Variants in CLEC4F observed in about 807,000 individuals in gnomAD.
CLEC4F encodes C-type lectin domain family 4 member F, also known as C-type (calcium dependent, carbohydrate-recognition domain) lectin, superfamily member 13.
CLEC4F carries 45 observed loss-of-function variants against 53.4 expected under a neutral mutation model. That is an observed-to-expected ratio of 0.84 (90% CI 0.66 to 1.08). The LOEUF (loss-of-function observed/expected upper bound fraction) is 1.08, where lower values mean the gene tolerates loss of function less well. Among genes scored for constraint, CLEC4F ranks in the 50% least tolerant of loss-of-function variants. The pLI is 0.00. For missense variants in CLEC4F, 753 were observed against 698.2 expected, an observed-to-expected ratio of 1.08 and a Z score of -0.88; for synonymous variants, 245 against 257.5, an observed-to-expected ratio of 0.95 and a Z score of 0.46.
chr2:70,824,275 T>C (rs1677293848), upstream of CLEC4F, among the ~76,000 whole-genome samples: 1 of 98,258 alleles, frequency 1.0e-5, no homozygotes, highest in Non-Finnish European at 2.4e-5. Flanking sequence ...TTTACAGGCC[T>C]GAATGCAAAC....
intron 4 of CLEC4F, among the ~76,000 whole-genome samples, chr2:70,813,951 T>A (rs1180757960): frequency 6.6e-6 from 1 of 152,154 alleles, no homozygotes; most frequent in Non-Finnish European, 1.5e-5. Context: ...AGTGCTGGGA[T>A]TACAGGCGTA....
upstream of CLEC4F, among the ~76,000 whole-genome samples, chr2:70,823,530 G>A (rs10192228): frequency 0.61 from 93,021 of 152,026 alleles, 28,882 homozygotes; most frequent in Middle Eastern, 0.7. Flanking sequence ...AGAACTCTAC[G>A]GATCCCTTGC....
chr2:70,825,145 G>C (rs2110979), upstream of CLEC4F, among the ~76,000 whole-genome samples: 141,648 of 152,236 alleles, frequency 0.93, 66,136 homozygotes, highest in Non-Finnish European at 0.97. Flanking sequence ...GTACCCCAAT[G>C]TAATCATGAG....
upstream of CLEC4F, among the ~76,000 whole-genome samples, chr2:70,821,781 C>T (rs556021251): frequency 5.3e-5 from 8 of 152,206 alleles, no homozygotes; most frequent in Middle Eastern, 3.4e-3. Flanking sequence ...TGCAGTGGTA[C>T]GATCATAAGT....
chr2:70,814,045 G>A (rs1194635587), intron 4 of CLEC4F, among the ~76,000 whole-genome samples: 2 of 152,174 alleles, frequency 1.3e-5, no homozygotes, highest in Non-Finnish European at 2.9e-5. Context: ...GAGCACCCCA[G>A]GCAGGGAAAA....
At position 70,819,388 on chromosome 2, in the gene CLEC4F, T is replaced by C. The variant is rs372619012; in HGVS notation, c.235A>G (p.Asn79Asp). Residue 79 changes from asparagine (N) to aspartate (D), a missense_variant, in exon 3 of 7, where the codon AAC (asparagine) becomes GAC (aspartate). Transcript: ENST00000272367. Reference protein sequence around the residue: ...KPVQAVILGDNITGHLPFEPN... With the variant: ...KPVQAVILGDDITGHLPFEPN... ...TCAAAAGGTAAATGCCCAGTAATGT[T>C]GTCTCCCAGAATTACGGCTTGCACA... 1 of 1,614,024 alleles carries C rather than the reference T, an allele frequency of 6.2e-7. No individual in the cohort carries two copies. Among genetic ancestry groups the C allele is most frequent in the Non-Finnish European group, 8.5e-7 (1 of 1,180,036 alleles).
At chr2:70,812,361 C>T (rs1048219252) in intron 5 of CLEC4F, 86 bp downstream of exon 5, 3 of 1,457,924 alleles carry the variant, frequency 2.1e-6, no homozygotes, top group South Asian at 2.5e-5. Flanking sequence ...CTCCGTCATA[C>T]CCACTGAGAG....
chr2:70,811,196 G>A, intron 5 of CLEC4F: 1 of 721,198 alleles, frequency 1.4e-6, no homozygotes, highest in Non-Finnish European at 2.5e-6. Flanking sequence ...CAAGTATCTG[G>A]ATGGCATTCA....
At chr2:70,810,883 T>C (rs1336677413) in intron 5 of CLEC4F, 1 of 552,632 alleles carries the variant, frequency 1.8e-6, no homozygotes, top group African/African-American at 1.9e-5. Flanking sequence ...CATCAAATTA[T>C]ATTTCATCAC....
chr2:70,815,753 G>A (rs1291956448), intron 4 of CLEC4F, among the ~76,000 whole-genome samples: 1 of 152,174 alleles, frequency 6.6e-6, no homozygotes, highest in Non-Finnish European at 1.5e-5. Flanking sequence ...TCACACACGT[G>A]CACCATTTAC....
At chr2:70,809,957 T>G in intron 5 of CLEC4F, 100 bp from the exon 6 acceptor site, 1 of 748,626 alleles carries the variant, frequency 1.3e-6, no homozygotes, top group Non-Finnish European at 2.4e-6. Context: ...TAATTATATA[T>G]GCATATCAAA....
chr2:70,816,785 T>C lies in CLEC4F; in HGVS notation c.596A>G (p.Asn199Ser), dbSNP rs1553396286. Residue 199 changes from asparagine (N) to serine (S), a missense_variant, in exon 4 of 7, where the codon AAT becomes AGT. Coordinates refer to ENST00000272367, the MANE Select transcript of CLEC4F (RefSeq NM_173535.3). ...KADALTFQTLNFLKSSLENTS... is the reference protein window; with the variant it reads ...KADALTFQTLSFLKSSLENTS... The stretch of plus-strand genomic sequence containing the variant: ...GTTTTCTAAACTGCTTTTTAAGAAA[T>C]TCAGCGTCTGGAAAGTTAAAGCATC... 1 of 1,614,040 alleles carries C rather than the reference T, an allele frequency of 6.2e-7. No individual in the cohort carries two copies. The highest frequency in any genetic ancestry group is 1.3e-5 in the African/African-American group (1 of 74,900).
upstream of CLEC4F, among the ~76,000 whole-genome samples, chr2:70,824,024 C>CA (rs1179902981): frequency 0.01 from 608 of 60,496 alleles, 8 homozygotes; most frequent in African/African-American, 0.026. Flanking sequence ...AGCAAGACTC[C>CA]AAAAAAAAAA....
upstream of CLEC4F, among the ~76,000 whole-genome samples, chr2:70,821,800 C>T (rs1408779690): frequency 1.3e-5 from 2 of 152,150 alleles, no homozygotes; most frequent in Non-Finnish European, 2.9e-5. Flanking sequence ...GTCAATGCAG[C>T]CTTGAACTCC....
chr2:70,811,517 C>T (rs1393191907), intron 5 of CLEC4F: 31 of 412,954 alleles, frequency 7.5e-5, no homozygotes, highest in African/African-American at 5.3e-4. Context: ...ATGTGTTTTA[C>T]GAAGTTGCAT....
In CLEC4F at chr2:70,816,428, T is replaced by G. The variant is rs1553395966; in HGVS notation, c.953A>C (p.Gln318Pro). The G allele has an allele frequency of 1.2e-6, 2 of 1,613,966 alleles. No individual in the cohort carries two copies. The highest frequency in any genetic ancestry group is 8.5e-7 in the Non-Finnish European group (1 of 1,180,014). ...TCTTTCCAAATGACCTCTTAAGAAC[T>G]GGATCTCAGCACTAGTGTTGTCAAA... ...SSFDNTSAEI[Q>P]FLRGHLERAG... is the part of the protein sequence containing the mutation. The change falls in exon 4 of 7, where the codon CAG becomes CCG. Residue 318 changes from glutamine (Q) to proline (P), a missense_variant. Transcript: ENST00000272367.
At position 70,816,339 on chromosome 2, in the gene CLEC4F, C is replaced by T. The variant is rs782772475; in HGVS notation, c.1042G>A (p.Ala348Thr). 6 of 1,614,066 alleles carry T rather than the reference C, an allele frequency of 3.7e-6. No homozygotes were observed. The African/African-American group carries it at 4.0e-5, about 11-fold the overall frequency. The part of the protein sequence containing the change: ...LKMVTAQTQK[A>T]NGRLDQTDTQ... ...TCTGTCTGGTCCAGACGGCCATTTG[C>T]TTTTTGGGTCTGGGCTGTGACCATT... The change falls in exon 4 of 7, where the codon GCA becomes ACA. Residue 348 changes from alanine to threonine, a missense_variant. Ala to Thr is a moderately conservative substitution (Grantham distance 58). Transcript: ENST00000272367.
Position 70,809,301 on chromosome 2 carries a change from G to C in CLEC4F, c.1740C>G (p.Thr580=), listed in dbSNP as rs781889384. The C allele has an allele frequency of 2.5e-6, 4 of 1,613,806 alleles. No homozygotes were observed. The highest frequency in any genetic ancestry group is 3.4e-6 in the Non-Finnish European group (4 of 1,179,968). The change falls in exon 7 of 7, where the codon ACC becomes ACG. Residue 580 remains threonine, a synonymous_variant. Coordinates refer to ENST00000272367, the MANE Select transcript of CLEC4F (RefSeq NM_173535.3). ...SGMGACSFID[T]PPCPWILSN Reference sequence around the variant, plus strand: ...TACTGAGGATCCAGGGACAGGGAGGGGTGTCTATGAAGCTGCAAGCTCCCA... The same window carrying C: ...TACTGAGGATCCAGGGACAGGGAGGCGTGTCTATGAAGCTGCAAGCTCCCA...
intron 3 of CLEC4F, 40 bp downstream of exon 3, chr2:70,819,315 C>G (rs1472726115): frequency 5.3e-6 from 8 of 1,523,484 alleles, no homozygotes; most frequent in African/African-American, 2.7e-5. Context: ...TCTGAAGGCC[C>G]CAGTTCCCTC....
Sources: allele counts gnomAD v4.1 joint callset (sites outside exome capture counted in the v4.1 genomes callset), GRCh38; gene constraint gnomAD v4.1.1; transcripts MANE v1.5; gene names NCBI Gene and HGNC (gene_info 2026-07-23, HGNC 2026-07-21).